Variants in ARFIP1 observed in about 807,000 individuals in gnomAD.
ARFIP1 encodes the protein arfaptin-1.
A neutral mutation model predicts 42.5 loss-of-function variants in ARFIP1; 24 were observed. That is an observed-to-expected ratio of 0.57 (90% CI 0.41 to 0.80). The LOEUF (loss-of-function observed/expected upper bound fraction) is 0.80. Ranked by LOEUF, ARFIP1 falls within the 30% of genes least tolerant of loss-of-function variation. ARFIP1 has a pLI of 0.00. For synonymous variants in ARFIP1, 141 were observed against 153.7 expected (o/e 0.92, Z 0.61); for missense variants, 354 against 434.0 (o/e 0.82, Z 1.64).
chr4:152,822,296 T>TAAAAAAAAAAAAAAA (rs70949618), intron 1 of ARFIP1, among the ~76,000 whole-genome samples: 12 of 65,554 alleles, frequency 1.8e-4, no homozygotes, highest in East Asian at 8.8e-4. Flanking sequence ...GCAACAGCAG[T>TAAAAAAAAAAAAAAA]AAAAAAAAAA....
chr4:152,806,315 T>C (rs1256769997), intron 1 of ARFIP1, among the ~76,000 whole-genome samples: 1 of 152,150 alleles, frequency 6.6e-6, no homozygotes, highest in Non-Finnish European at 1.5e-5. Context: ...TTTTGGAAAA[T>C]GACAAACTTC....
intron 5 of ARFIP1, among the ~76,000 whole-genome samples, chr4:152,877,435 A>G (rs556849176): frequency 6.6e-6 from 1 of 152,176 alleles, no homozygotes; most frequent in Admixed American, 6.5e-5. Context: ...GAATGGCTAT[A>G]TTTACCCAAT....
At chr4:152,818,578 A>T (rs1730099636) in intron 1 of ARFIP1, among the ~76,000 whole-genome samples, 1 of 152,162 alleles carries the variant, frequency 6.6e-6, no homozygotes, top group South Asian at 2.1e-4. Context: ...TTGAGTGAGG[A>T]TGAACACCTT....
chr4:152,828,497 A>G (rs1480009489), intron 1 of ARFIP1, among the ~76,000 whole-genome samples: 1 of 152,232 alleles, frequency 6.6e-6, no homozygotes, highest in Non-Finnish European at 1.5e-5. Flanking sequence ...CTTACTAGCC[A>G]CTTTACATTG....
chr4:152,902,970 C>T (rs112011917), intron 8 of ARFIP1, among the ~76,000 whole-genome samples: 185 of 152,276 alleles, frequency 1.2e-3, no homozygotes, highest in African/African-American at 4.2e-3. Context: ...TGTATAGTAA[C>T]AGCATGATTC....
chr4:152,886,081 G>A (rs1736236970), intron 7 of ARFIP1, among the ~76,000 whole-genome samples: 1 of 152,028 alleles, frequency 6.6e-6, no homozygotes, highest in Admixed American at 6.6e-5. Context: ...TGCCAAGTCA[G>A]TCTTGCCTCC....
At chr4:152,893,386 T>C (rs7670525) in intron 8 of ARFIP1, among the ~76,000 whole-genome samples, 4,100 of 151,774 alleles carry the variant, frequency 0.027, 100 homozygotes, top group South Asian at 0.11. Flanking sequence ...AAGAAAAATA[T>C]GCAGATCAAT....
intron 1 of ARFIP1, among the ~76,000 whole-genome samples, chr4:152,793,819 G>T (rs73865243): frequency 6.6e-6 from 1 of 151,986 alleles, no homozygotes; most frequent in Admixed American, 6.6e-5. Context: ...TTATACAGGC[G>T]GTCAAATGAT....
At chr4:152,804,929 G>T (rs1037391192) in intron 1 of ARFIP1, among the ~76,000 whole-genome samples, 1 of 152,106 alleles carries the variant, frequency 6.6e-6, no homozygotes, top group Non-Finnish European at 1.5e-5. Context: ...TTTTTAGGCT[G>T]CAGTCTCCTC....
intron 1 of ARFIP1, among the ~76,000 whole-genome samples, chr4:152,781,727 C>A (rs1730509567): frequency 6.6e-6 from 1 of 152,232 alleles, no homozygotes; most frequent in Non-Finnish European, 1.5e-5. Flanking sequence ...GAAAAGATTT[C>A]TAATGTATTT....
chr4:152,908,677 TG>T (rs1738575091), intron 8 of ARFIP1, among the ~76,000 whole-genome samples: 1 of 152,168 alleles, frequency 6.6e-6, no homozygotes, highest in South Asian at 2.1e-4. Context: ...TTATAATTTA[TG>T]GGTTTTATAA....
At chr4:152,833,261 CA>C (rs1259862415) in intron 2 of ARFIP1, among the ~76,000 whole-genome samples, 4 of 143,344 alleles carry the variant, frequency 2.8e-5, no homozygotes, top group South Asian at 2.2e-4. Context: ...AAAAAAAGTA[CA>C]AATGGCCAAC....
chr4:152,895,013 A>C (rs985412831), intron 8 of ARFIP1, among the ~76,000 whole-genome samples: 1 of 152,250 alleles, frequency 6.6e-6, no homozygotes, highest in African/African-American at 2.4e-5. Flanking sequence ...AACTAGAGCC[A>C]GTTTGACCAG....
intron 1 of ARFIP1, among the ~76,000 whole-genome samples, chr4:152,828,882 G>T (rs1343899249): frequency 1.3e-5 from 2 of 152,162 alleles, no homozygotes; most frequent in African/African-American, 4.8e-5. Flanking sequence ...GATCCATTTT[G>T]AGTTAATTTT....
chr4:152,891,384 A>G (rs1736836202), intron 8 of ARFIP1, among the ~76,000 whole-genome samples: 1 of 152,226 alleles, frequency 6.6e-6, no homozygotes, highest in Admixed American at 6.5e-5. Context: ...CTTCAAAACG[A>G]TAAGTATTGT....
intron 2 of ARFIP1, among the ~76,000 whole-genome samples, chr4:152,840,922 G>T: frequency 6.6e-6 from 1 of 151,480 alleles, no homozygotes; most frequent in East Asian, 1.9e-4. Context: ...GTTTCACCGT[G>T]TTGGCCAGGT....
intron 6 of ARFIP1, among the ~76,000 whole-genome samples, chr4:152,881,875 A>G (rs910829312): frequency 1.3e-5 from 2 of 152,222 alleles, no homozygotes; most frequent in African/African-American, 4.8e-5. Context: ...TTAAATTTGT[A>G]TCTTCTAATA....
chr4:152,801,025 A>G (rs1262470457), intron 1 of ARFIP1, among the ~76,000 whole-genome samples: 1 of 152,170 alleles, frequency 6.6e-6, no homozygotes, highest in Non-Finnish European at 1.5e-5. Flanking sequence ...CTGAAGAAAC[A>G]TGATTGGTAG....
At chr4:152,790,898 C>T (rs1731112690) in intron 1 of ARFIP1, among the ~76,000 whole-genome samples, 1 of 151,022 alleles carries the variant, frequency 6.6e-6, no homozygotes, top group African/African-American at 2.4e-5. Flanking sequence ...ATGCCTGGCT[C>T]ATTTTTGTAT....
Sources: allele counts gnomAD v4.1 joint callset (sites outside exome capture counted in the v4.1 genomes callset), GRCh38; gene constraint gnomAD v4.1.1; transcripts MANE v1.5; gene names NCBI Gene and HGNC (gene_info 2026-07-23, HGNC 2026-07-21).